The following DAB1 variants were observed in gnomAD, a reference collection of about 807,000 sequenced individuals.
The protein encoded by DAB1 is DAB adaptor protein 1.
Under a neutral mutation model 64.6 loss-of-function variants are expected in DAB1, and 15 were observed. The ratio of observed to expected loss-of-function variants is 0.23; its 90% confidence interval spans 0.16 to 0.36. DAB1 has a LOEUF of 0.36. Ranked by LOEUF, DAB1 falls within the 10% of genes least tolerant of loss-of-function variation. DAB1 has a pLI of 1.00. For missense variants in DAB1, 596 were observed against 706.7 expected, an observed-to-expected ratio of 0.84 and a Z score of 1.78; for synonymous variants, 235 against 251.9, an observed-to-expected ratio of 0.93 and a Z score of 0.64.
intron 2 of DAB1, among the ~76,000 whole-genome samples, chr1:57,228,383 A>C (rs1290393947): frequency 6.6e-6 from 1 of 152,222 alleles, no homozygotes; most frequent in Non-Finnish European, 1.5e-5. Context: ...AAAACACATC[A>C]GTAAGAAAAA....
rs1195866653 is a variant in DAB1 at position 57,701,343 on chromosome 1, G to A, written n.552-51678C>T. Among the ~76,000 whole-genome samples, 4 of 152,242 alleles carry A rather than the reference G, an allele frequency of 2.6e-5. No homozygotes were observed. In the East Asian group the frequency reaches 7.7e-4, roughly 29 times the overall value. On this transcript the variant is annotated intron_variant and non_coding_transcript_variant, in intron 6 of 20. Coordinates refer to the DAB1 transcript ENST00000485760. Reference sequence around the variant, plus strand: ...TGATAGACTGGATTAAGAAAATGTGGCACATATACAGCATGGAATACTATG... The same window carrying A: ...TGATAGACTGGATTAAGAAAATGTGACACATATACAGCATGGAATACTATG...
chr1:57,986,465 C>A (rs1439221413), intron 5 of DAB1, among the ~76,000 whole-genome samples: 1 of 152,138 alleles, frequency 6.6e-6, no homozygotes, highest in Non-Finnish European at 1.5e-5. Flanking sequence ...AATTTCCCAG[C>A]CTTTAGACAT....
intron 3 of DAB1, among the ~76,000 whole-genome samples, chr1:58,345,321 T>C (rs533892610): frequency 2.4e-4 from 36 of 152,206 alleles, no homozygotes; most frequent in African/African-American, 8.4e-4. Flanking sequence ...CATCCTTCAA[T>C]GGAAAAGAAT....
At chr1:58,115,923 G>A (rs1414047692) in intron 5 of DAB1, among the ~76,000 whole-genome samples, 4 of 137,516 alleles carry the variant, frequency 2.9e-5, no homozygotes, top group Admixed American at 1.5e-4. Context: ...CACCAGCATG[G>A]CACATGTATA....
chr1:57,624,328 C>T (rs909720763), intron 7 of DAB1, among the ~76,000 whole-genome samples: 3 of 152,136 alleles, frequency 2.0e-5, no homozygotes, highest in African/African-American at 7.2e-5. Context: ...AGCTCTGCCA[C>T]TTACCAGCTA....
At chr1:58,320,396 C>T (rs1662654179) in intron 4 of DAB1, among the ~76,000 whole-genome samples, 1 of 152,226 alleles carries the variant, frequency 6.6e-6, no homozygotes, top group African/African-American at 2.4e-5. Context: ...TGTGTATACA[C>T]TCCTTTTCTC....
In DAB1 at chr1:56,996,822, A is replaced by G; in HGVS notation, c.*1322T>C. ...TGTCACACCTTGCACTCAATCTGCT[A>G]CCTTCTCTACAGTGTAATGGCATTA... On this transcript the variant is annotated 3_prime_UTR_variant, in exon 15 of 15. Transcript: ENST00000371236. The G allele has an allele frequency of 6.6e-6, 1 of 152,206 alleles. No homozygotes were observed. The highest frequency in any genetic ancestry group is 1.5e-5 in the Non-Finnish European group (1 of 68,032). The allele number at this position is 152,206 out of a possible 1,614,324, so 9.4% of individuals were successfully genotyped here.
chr1:57,394,544 G>C (rs1682650175), intron 1 of DAB1, among the ~76,000 whole-genome samples: 1 of 152,188 alleles, frequency 6.6e-6, no homozygotes, highest in Non-Finnish European at 1.5e-5. Context: ...GTTAGAATTA[G>C]GGATTCGCAC....
chr1:57,189,506 G>A (rs958345911), intron 2 of DAB1, among the ~76,000 whole-genome samples: 6 of 152,114 alleles, frequency 3.9e-5, no homozygotes, highest in East Asian at 1.9e-4. Flanking sequence ...GAAATTTCTC[G>A]TCTGGAGCAA....
intron 2 of DAB1, among the ~76,000 whole-genome samples, chr1:58,516,394 T>C (rs1441175885): frequency 6.6e-6 from 1 of 152,198 alleles, no homozygotes; most frequent in Non-Finnish European, 1.5e-5. Context: ...TGAATATTCA[T>C]ACCCCAAAAG....
intron 3 of DAB1, among the ~76,000 whole-genome samples, chr1:58,466,102 C>T (rs1264629326): frequency 6.6e-6 from 1 of 152,116 alleles, no homozygotes; most frequent in Non-Finnish European, 1.5e-5. Flanking sequence ...CTAGCACAAA[C>T]GCTGTGTCCT....
chr1:57,145,220 G>T, intron 3 of DAB1, 70 bp downstream of exon 3: 1 of 1,434,776 alleles, frequency 7.0e-7, no homozygotes, highest in African/African-American at 1.4e-5. Flanking sequence ...TTACAATTAT[G>T]ATGGTAATCA....
chr1:57,464,853 A>C (rs1022971125), intron 7 of DAB1, among the ~76,000 whole-genome samples: 2 of 152,016 alleles, frequency 1.3e-5, no homozygotes, highest in Non-Finnish European at 2.9e-5. Context: ...GAGCAGGTAA[A>C]TATTGAGACA....
chr1:57,348,007 T>C (rs1025687558), intron 1 of DAB1, among the ~76,000 whole-genome samples: 2 of 152,160 alleles, frequency 1.3e-5, no homozygotes, highest in Non-Finnish European at 2.9e-5. Context: ...CTTGAAACTT[T>C]CCAGGTTCCT....
At chr1:57,396,343 A>G (rs1238598013) in intron 1 of DAB1, among the ~76,000 whole-genome samples, 1 of 152,182 alleles carries the variant, frequency 6.6e-6, no homozygotes, top group Non-Finnish European at 1.5e-5. Flanking sequence ...AAGGTGTCAG[A>G]TCGTCTGAAT....
At chr1:57,244,424 A>C (rs1187249612) in intron 2 of DAB1, among the ~76,000 whole-genome samples, 1 of 152,252 alleles carries the variant, frequency 6.6e-6, no homozygotes, top group East Asian at 1.9e-4. Flanking sequence ...TAAATGATTG[A>C]GTAATGAGTC....
At chr1:58,348,105 CT>C (rs1455911648) in intron 3 of DAB1, among the ~76,000 whole-genome samples, 2 of 152,298 alleles carry the variant, frequency 1.3e-5, no homozygotes, top group Admixed American at 1.3e-4. Flanking sequence ...CCTCATTGCT[CT>C]GTTGGTCCTT....
At chr1:57,098,803 C>A (rs1250648666) in intron 4 of DAB1, among the ~76,000 whole-genome samples, 1 of 152,078 alleles carries the variant, frequency 6.6e-6, no homozygotes, top group Non-Finnish European at 1.5e-5. Context: ...CCAAATATAC[C>A]TAATCTTGAT....
intron 1 of DAB1, among the ~76,000 whole-genome samples, chr1:57,364,603 T>A (rs1410919069): frequency 2.6e-5 from 4 of 152,078 alleles, no homozygotes; most frequent in Non-Finnish European, 2.9e-5. Flanking sequence ...GAAGAATATT[T>A]GTAGCAATAT....
Sources: gnomAD v4.1 joint callset for allele counts (sites outside exome capture counted in the v4.1 genomes callset) on GRCh38, gnomAD v4.1.1 for gene constraint, MANE v1.5 for transcripts, NCBI Gene and HGNC (gene_info 2026-07-23, HGNC 2026-07-21) for gene names.